GPC6: variants seen among roughly 807,000 people sequenced by gnomAD.
GPC6 encodes glypican 6.
A neutral mutation model predicts 55.2 loss-of-function variants in GPC6; 14 were observed. The observed-to-expected ratio is 0.25, with a 90% CI of 0.17 to 0.40. GPC6 has a LOEUF of 0.40. GPC6 is among the 10% of genes least tolerant of loss of function. GPC6 has a pLI of 1.00. For synonymous variants in GPC6, 278 were observed against 259.6 expected (o/e 1.07, Z -0.68); for missense variants, 641 against 708.5 (o/e 0.90, Z 1.08).
intron 4 of GPC6, among the ~76,000 whole-genome samples, chr13:94,243,835 A>T (rs1272221078): frequency 6.6e-6 from 1 of 152,130 alleles, no homozygotes; most frequent in Non-Finnish European, 1.5e-5. Flanking sequence ...ATTTAGCCAG[A>T]TGAGGGTAAG....
intron 2 of GPC6, among the ~76,000 whole-genome samples, chr13:93,546,254 A>T (rs867665695): frequency 1.3e-5 from 2 of 152,230 alleles, no homozygotes; most frequent in African/African-American, 4.8e-5. Context: ...ACATTACCCT[A>T]GAGCAAAAGA....
intron 2 of GPC6, among the ~76,000 whole-genome samples, chr13:93,670,154 C>A (rs955778821): frequency 3.9e-5 from 6 of 152,128 alleles, no homozygotes; most frequent in Non-Finnish European, 7.4e-5. Context: ...TTACTAGCTC[C>A]TAGTCAGTTT....
At chr13:93,300,663 AAG>A (rs1878645806) in intron 1 of GPC6, among the ~76,000 whole-genome samples, 2 of 151,426 alleles carry the variant, frequency 1.3e-5, no homozygotes, top group East Asian at 3.9e-4. Context: ...AAAAAAAAAA[AAG>A]AATAGGAATG....
intron 1 of GPC6, among the ~76,000 whole-genome samples, chr13:93,312,642 C>A (rs1429613596): frequency 1.3e-5 from 2 of 152,060 alleles, no homozygotes; most frequent in African/African-American, 2.4e-5. Flanking sequence ...GTTCTCAAGT[C>A]AATATGCCTA....
intron 2 of GPC6, among the ~76,000 whole-genome samples, chr13:93,580,436 T>C: frequency 6.6e-6 from 1 of 152,234 alleles, no homozygotes; most frequent in East Asian, 1.9e-4. Flanking sequence ...AAGGAGCACA[T>C]GCAGTCACCC....
chr13:93,997,582 T>TGTGC, intron 3 of GPC6, among the ~76,000 whole-genome samples: 1 of 600 alleles, frequency 1.7e-3, no homozygotes, highest in East Asian at 0.1. Context: ...AGACATAATA[T>TGTGC]GTGTGTGTGT....
intron 1 of GPC6, among the ~76,000 whole-genome samples, chr13:93,234,705 AG>A (rs1876173953): frequency 6.6e-6 from 1 of 151,758 alleles, no homozygotes; most frequent in African/African-American, 2.4e-5. Context: ...AGAGAGAGAG[AG>A]AGTGCAAGAG....
intron 7 of GPC6, among the ~76,000 whole-genome samples, chr13:94,384,016 A>G (rs1374939370): frequency 2.0e-5 from 3 of 152,218 alleles, no homozygotes; most frequent in Non-Finnish European, 4.4e-5. Context: ...TGTTCTCAAC[A>G]CATAGGGATT....
chr13:93,954,536 T>A (rs1199322206), intron 3 of GPC6, among the ~76,000 whole-genome samples: 1 of 152,172 alleles, frequency 6.6e-6, no homozygotes, highest in African/African-American at 2.4e-5. Context: ...TGCCTTTTTA[T>A]ATTCCCAAGT....
rs34479352 is a variant in GPC6 at position 93,682,844 on chromosome 13, CA to C, written c.319+137440del. ...GGAACATGGCAAAACCCTGTCTCTACAAAAAAAAAAAAAAAAAGGGAAAAGT... is the reference window on the plus strand; with the variant it reads ...GGAACATGGCAAAACCCTGTCTCTACAAAAAAAAAAAAAAAAGGGAAAAGT... On this transcript the variant is annotated intron_variant, in intron 2 of 8. Coordinates refer to ENST00000377047, the MANE Select transcript of GPC6 (RefSeq NM_005708.5). Among the ~76,000 whole-genome samples, 560 of 108,808 alleles carry C rather than the reference CA, an allele frequency of 5.1e-3. 1 individual carries two copies. The highest frequency in any genetic ancestry group is 0.017 in the African/African-American group (451 of 26,310). 71.4% of individuals were successfully genotyped at this position (108,808 alleles called of 152,430 possible).
Position 93,556,030 on chromosome 13 carries a change from A to T in GPC6, c.319+10609A>T, listed in dbSNP as rs548035961. ...GGCCTCCATATCTAAGGTGGCATTC[A>T]AGAACCTGTTGCCCGTCAAATAATG... On this transcript the variant is annotated intron_variant, in intron 2 of 8. Transcript: ENST00000377047. Among the ~76,000 whole-genome samples, 17 of 152,306 alleles carry T rather than the reference A, an allele frequency of 1.1e-4. No homozygotes were observed. The South Asian group carries it at 3.3e-3, about 30-fold the overall frequency.
chr13:94,240,425 G>A (rs1002488202), intron 4 of GPC6, among the ~76,000 whole-genome samples: 1 of 152,016 alleles, frequency 6.6e-6, no homozygotes, highest in Non-Finnish European at 1.5e-5. Flanking sequence ...GTCTCCTTCT[G>A]GAGACACTCA....
rs138177192 is a variant in GPC6, at chr13:94,045,309, A to G, written c.877+17415A>G. On this transcript the variant is annotated intron_variant, in intron 4 of 8. Coordinates refer to ENST00000377047, the MANE Select transcript of GPC6 (RefSeq NM_005708.5). Reference sequence around the variant, plus strand: ...ATTGAAAATAAATATTTTGGGAGCTAGGAAATTGCTCATTAAATTCACATA... The same window carrying G: ...ATTGAAAATAAATATTTTGGGAGCTGGGAAATTGCTCATTAAATTCACATA... Among the ~76,000 whole-genome samples, 381 of 152,088 alleles carry G rather than the reference A, an allele frequency of 2.5e-3. 1 individual carries two copies. The highest frequency in any genetic ancestry group is 8.8e-3 in the African/African-American group (367 of 41,542).
intron 2 of GPC6, among the ~76,000 whole-genome samples, chr13:93,638,792 G>C (rs1427873577): frequency 6.6e-6 from 1 of 152,044 alleles, no homozygotes; most frequent in Non-Finnish European, 1.5e-5. Context: ...ATGGAAGAAG[G>C]TATAAAGTTC....
At chr13:94,315,278 G>T (rs1325226928) in intron 6 of GPC6, among the ~76,000 whole-genome samples, 1 of 152,200 alleles carries the variant, frequency 6.6e-6, no homozygotes, top group East Asian at 1.9e-4. Context: ...GACCAGGCCA[G>T]GCAAGGCCAC....
intron 1 of GPC6, among the ~76,000 whole-genome samples, chr13:93,295,540 G>A (rs1383736498): frequency 1.3e-5 from 2 of 152,034 alleles, no homozygotes; most frequent in Non-Finnish European, 2.9e-5. Context: ...GAGTGCAGTG[G>A]CGCGATCTCG....
chr13:94,200,105 G>A (rs1413063427), intron 4 of GPC6, among the ~76,000 whole-genome samples: 1 of 149,078 alleles, frequency 6.7e-6, no homozygotes, highest in Non-Finnish European at 1.5e-5. Context: ...ACAGTGAGCT[G>A]AGATTGCACC....
At chr13:93,587,077 A>G (rs1221272067) in intron 2 of GPC6, among the ~76,000 whole-genome samples, 2 of 152,162 alleles carry the variant, frequency 1.3e-5, no homozygotes, top group East Asian at 3.8e-4. Context: ...AGTGATTTAA[A>G]TTGCTTGCAC....
Position 94,281,113 on chromosome 13 carries a change from T to A in GPC6, c.878-5236T>A, listed in dbSNP as rs534743546. Among the ~76,000 whole-genome samples, 3 of 152,326 alleles carry A rather than the reference T, an allele frequency of 2.0e-5. No homozygotes were observed. In the South Asian group the frequency reaches 6.2e-4, roughly 32 times the overall value. ...ATAACAAATAGTTATTAGATTAAGT[T>A]GAGCTTATTTGAATTGAGTTTTCAA... On this transcript the variant is annotated intron_variant, in intron 4 of 8. Transcript: ENST00000377047.
Sources: gnomAD v4.1 joint callset for allele counts (sites outside exome capture counted in the v4.1 genomes callset) on GRCh38, gnomAD v4.1.1 for gene constraint, MANE v1.5 for transcripts, NCBI Gene and HGNC (gene_info 2026-07-23, HGNC 2026-07-21) for gene names.